SKIL: variants seen among roughly 807,000 people sequenced by gnomAD.
SKIL encodes ski-like protein.
Under a neutral mutation model 69.6 loss-of-function variants are expected in SKIL, and 20 were observed. The observed-to-expected ratio is 0.29, with a 90% confidence interval of 0.20 to 0.42. The LOEUF is 0.42. Among genes scored for constraint, SKIL ranks in the 10% least tolerant of loss-of-function variants. The pLI, the probability that SKIL is intolerant of heterozygous loss-of-function variation, is 1.00. For synonymous variants in SKIL, 310 were observed against 279.9 expected (o/e 1.11, Z -1.08); for missense variants, 745 against 783.1 (o/e 0.95, Z 0.58).
At chr3:170,361,463 A>G (rs756544204) in intron 2 of SKIL, 34 bp downstream of exon 2, 11 of 1,462,046 alleles carry the variant, frequency 7.5e-6, no homozygotes, top group Non-Finnish European at 1.0e-5. Context: ...AATAATGGTA[A>G]TGGTTTACTT....
chr3:170,383,156 AT>A (rs1282367749), intron 3 of SKIL, among the ~76,000 whole-genome samples: 3 of 152,106 alleles, frequency 2.0e-5, no homozygotes, highest in Non-Finnish European at 4.4e-5. Context: ...TGAGCCCTAG[AT>A]TTTTTTCTAC....
At position 170,394,670 on chromosome 3, in the gene SKIL, C is replaced by G. The variant is rs1372730644; in HGVS notation, c.*2253C>G. On this transcript the variant is annotated 3_prime_UTR_variant, in exon 7 of 7. Coordinates refer to ENST00000259119, the MANE Select transcript of SKIL (RefSeq NM_005414.5). ...TTTCTAGTCCTTCATATATTGAAAA[C>G]TTGCCACATGACATTGTATCGTCTT... 6.6e-6 allele frequency: 1 copy of G among 152,146 alleles called. No individual in the cohort carries two copies. The highest frequency in any genetic ancestry group is 2.4e-5 in the African/African-American group (1 of 41,452). 9.4% of individuals were successfully genotyped at this position (152,146 alleles called of 1,614,324 possible). A position where few individuals can be genotyped will look rare whatever the true frequency, so the allele number is the denominator to read the frequency against.
intron 6 of SKIL, among the ~76,000 whole-genome samples, chr3:170,391,476 T>A (rs1300175926): frequency 3.3e-5 from 5 of 151,970 alleles, no homozygotes; most frequent in Admixed American, 3.3e-4. Flanking sequence ...TGCGACACTA[T>A]GCCCAGCTAA....
At chr3:170,374,173 C>T (rs1014757400) in intron 2 of SKIL, among the ~76,000 whole-genome samples, 2 of 152,038 alleles carry the variant, frequency 1.3e-5, no homozygotes, top group African/African-American at 4.8e-5. Flanking sequence ...TAAAATGTTT[C>T]TTAGTTTTTA....
chr3:170,365,407 T>A (rs1736448404), intron 2 of SKIL, among the ~76,000 whole-genome samples: 1 of 152,218 alleles, frequency 6.6e-6, no homozygotes. Context: ...TTTTGAATGC[T>A]GACATGGCAC....
chr3:170,364,608 A>G (rs1201743531), intron 2 of SKIL, among the ~76,000 whole-genome samples: 1 of 152,136 alleles, frequency 6.6e-6, no homozygotes, highest in East Asian at 1.9e-4. Flanking sequence ...GGCATGAGCC[A>G]TGGCGCCTGG....
rs1404006411 is a variant in SKIL at position 170,370,438 on chromosome 3, A to AG, written c.1098+9010dup. 4.8e-4 allele frequency among the ~76,000 whole-genome samples: 6 copies of AG among 12,382 alleles called. 1 individual carries two copies. The highest frequency in any genetic ancestry group is 8.8e-4 in the Admixed American group (1 of 1,130). 8.1% of individuals were successfully genotyped at this position (12,382 alleles called of 152,430 possible). On this transcript the variant is annotated intron_variant, in intron 2 of 6. Transcript: ENST00000259119. ...TATATATACAGAGAGAGAGAGAGAG[A>AG]GCCCCCCCCCCCCCCCCGAGCAGGA...
rs905286425 is a variant in SKIL, at chr3:170,393,172, GTGT to G, written c.*760_*762del. Reference sequence around the variant, plus strand: ...TGTGATAATTTCTGAACTTTTGTTTGTGTTGTTAATAGTGGTGTGAAAATATTA... The same window carrying G: ...TGTGATAATTTCTGAACTTTTGTTTGTGTTAATAGTGGTGTGAAAATATTA... On this transcript the variant is annotated 3_prime_UTR_variant, in exon 7 of 7. Coordinates refer to ENST00000259119, the MANE Select transcript of SKIL (RefSeq NM_005414.5). 8.6e-5 allele frequency: 13 copies of G among 151,906 alleles called. No individual in the cohort carries two copies. The highest frequency in any genetic ancestry group is 3.1e-4 in the African/African-American group (13 of 41,406). The allele number at this position is 151,906 out of a possible 1,614,324, so 9.4% of individuals were successfully genotyped here.
In SKIL at chr3:170,360,414, C is replaced by T; in HGVS notation, c.83C>T (p.Pro28Leu). The T allele has an allele frequency of 6.2e-7, 1 of 1,612,634 alleles. No individual in the cohort carries two copies. The highest frequency in any genetic ancestry group is 8.5e-7 in the Non-Finnish European group (1 of 1,179,212). ...GGGATGGGAGATGATGGCAGCCCCC[C>T]AGCGAAAAAAATGATAACGGACATT... ...LNGMGDDGSP[P>L]AKKMITDIHA... The change falls in exon 2 of 7, where the codon CCA becomes CTA. Residue 28 changes from proline to leucine, a missense_variant. By Grantham distance (98) the Pro-to-Leu change is moderately conservative (BLOSUM62 -3). Transcript: ENST00000259119.
intron 2 of SKIL, among the ~76,000 whole-genome samples, chr3:170,366,962 T>C (rs1455619418): frequency 1.3e-5 from 2 of 152,206 alleles, no homozygotes; most frequent in Non-Finnish European, 2.9e-5. Context: ...TCTAATTTTG[T>C]TGAATATTAC....
chr3:170,384,508 T>G (rs369623290), intron 3 of SKIL, 25 bp from the exon 4 acceptor site: 3 of 1,064,982 alleles, frequency 2.8e-6, no homozygotes. Context: ...AATATATGTC[T>G]TGTTTTGCTT....
chr3:170,365,514 T>C (rs1301865705), intron 2 of SKIL, among the ~76,000 whole-genome samples: 2 of 152,054 alleles, frequency 1.3e-5, no homozygotes, highest in South Asian at 4.1e-4. Context: ...TCTGAAAAAA[T>C]CAGAAATTCA....
At chr3:170,390,533 C>A in intron 5 of SKIL, 69 bp downstream of exon 5, 2 of 1,305,928 alleles carry the variant, frequency 1.5e-6, no homozygotes, top group Non-Finnish European at 2.2e-6. Context: ...GTCGCCCAGG[C>A]TGGAGTGCAG....
intron 2 of SKIL, among the ~76,000 whole-genome samples, chr3:170,367,033 A>G (rs886510950): frequency 1.3e-5 from 2 of 152,372 alleles, no homozygotes; most frequent in South Asian, 4.1e-4. Flanking sequence ...TTTGAAGAGT[A>G]ATGTTTACTT....
chr3:170,367,898 A>C (rs1374707888), intron 2 of SKIL, among the ~76,000 whole-genome samples: 1 of 152,222 alleles, frequency 6.6e-6, no homozygotes, highest in East Asian at 1.9e-4. Context: ...TAAAGATAGC[A>C]ACTTAAAAAA....
chr3:170,363,731 C>T (rs555764903), intron 2 of SKIL, among the ~76,000 whole-genome samples: 39 of 152,198 alleles, frequency 2.6e-4, no homozygotes, highest in Admixed American at 2.5e-3. Flanking sequence ...GTGATCCACC[C>T]GCCTTGGCTT....
At chr3:170,363,621 G>T (rs1426183654) in intron 2 of SKIL, among the ~76,000 whole-genome samples, 1 of 151,976 alleles carries the variant, frequency 6.6e-6, no homozygotes. Context: ...GAGTCACTGG[G>T]ATTACAGGCA....
chr3:170,385,321 G>A (rs1049289314), intron 4 of SKIL, among the ~76,000 whole-genome samples: 3 of 150,768 alleles, frequency 2.0e-5, no homozygotes, highest in Non-Finnish European at 4.4e-5. Context: ...CGAACTCCTG[G>A]GCTCAAGTGA....
chr3:170,380,834 C>G (rs1737306669), intron 2 of SKIL, among the ~76,000 whole-genome samples: 3 of 151,838 alleles, frequency 2.0e-5, no homozygotes, highest in Non-Finnish European at 4.4e-5. Context: ...GAAGATGACT[C>G]TTGAGACAGG....
Sources: gnomAD v4.1 joint callset for allele counts (sites outside exome capture counted in the v4.1 genomes callset) on GRCh38, gnomAD v4.1.1 for gene constraint, MANE v1.5 for transcripts, NCBI Gene and HGNC (gene_info 2026-07-23, HGNC 2026-07-21) for gene names.